The following PCCA variants were observed in gnomAD, a reference collection of about 807,000 sequenced individuals.
PCCA encodes propionyl-CoA carboxylase subunit alpha.
Under a neutral mutation model 101.3 loss-of-function variants are expected in PCCA, and 74 were observed. The ratio of observed to expected loss-of-function variants is 0.73; its 90% CI spans 0.61 to 0.89. The LOEUF is 0.89. Among genes scored for constraint, PCCA ranks in the 40% least tolerant of loss-of-function variants. The pLI is 0.00. For synonymous variants in PCCA, 294 were observed against 313.6 expected, an observed-to-expected ratio of 0.94 and a Z score of 0.66; for missense variants, 891 against 907.0, an observed-to-expected ratio of 0.98 and a Z score of 0.23.
intron 19 of PCCA, among the ~76,000 whole-genome samples, chr13:100,413,259 G>T (rs1003093322): frequency 6.6e-6 from 1 of 152,214 alleles, no homozygotes; most frequent in Non-Finnish European, 1.5e-5. Flanking sequence ...CAGTCACAAT[G>T]TGTGGGAATT....
chr13:100,301,555 T>A lies in PCCA; in HGVS notation c.1161T>A (p.Ala387=). ...GCTACCCTCTCAGGCACAAACAAGCTGATATTCGCATCAACGGCTGGGCAG... is the reference window on the plus strand; with the variant it reads ...GCTACCCTCTCAGGCACAAACAAGCAGATATTCGCATCAACGGCTGGGCAG... ...AKGYPLRHKQ[A]DIRINGWAVE... Residue 387 remains alanine (A), a synonymous_variant, in exon 13 of 24, where the codon GCT becomes GCA. Coordinates refer to ENST00000376285, the MANE Select transcript of PCCA (RefSeq NM_000282.4). The A allele has an allele frequency of 6.2e-7, 1 of 1,614,084 alleles. No homozygotes were observed. The highest frequency in any genetic ancestry group is 8.5e-7 in the Non-Finnish European group (1 of 1,179,962).
At chr13:100,424,007 T>C (rs2078986407) in intron 19 of PCCA, among the ~76,000 whole-genome samples, 1 of 152,268 alleles carries the variant, frequency 6.6e-6, no homozygotes, top group East Asian at 1.9e-4. Context: ...AGTCGGCCCA[T>C]GGGCTCTGCA....
At chr13:100,145,712 A>T (rs1356824134) in intron 4 of PCCA, among the ~76,000 whole-genome samples, 1 of 151,788 alleles carries the variant, frequency 6.6e-6, no homozygotes, top group African/African-American at 2.4e-5. Context: ...AATACAAAAA[A>T]ATAGCTGGGC....
At chr13:100,381,388 CAA>C (rs984112724) in intron 19 of PCCA, among the ~76,000 whole-genome samples, 18 of 61,404 alleles carry the variant, frequency 2.9e-4, no homozygotes, top group African/African-American at 3.4e-4. Flanking sequence ...GACTCCGTCT[CAA>C]AAAAAAAAAA....
intron 6 of PCCA, among the ~76,000 whole-genome samples, chr13:100,171,854 A>T (rs1024792361): frequency 6.6e-6 from 1 of 152,034 alleles, no homozygotes; most frequent in African/African-American, 2.4e-5. Context: ...AACACGGTGA[A>T]ACCCTGTCTC....
In PCCA at chr13:100,093,651, C is replaced by T. The variant is rs74711884; in HGVS notation, c.105+4426C>T. Among the ~76,000 whole-genome samples, 74 of 152,268 alleles carry T rather than the reference C, an allele frequency of 4.9e-4. No individual in the cohort carries two copies. The East Asian group carries it at 0.011, about 23-fold the overall frequency. ...TGATGAGGCCAGGTGTGGTAGCTCA[C>T]GCCTGCAATCTCAACCCTTTGGGAG... On this transcript the variant is annotated intron_variant, in intron 1 of 23. Coordinates refer to ENST00000376285, the MANE Select transcript of PCCA (RefSeq NM_000282.4).
At chr13:100,286,860 T>G (rs945320481) in intron 12 of PCCA, among the ~76,000 whole-genome samples, 1 of 152,118 alleles carries the variant, frequency 6.6e-6, no homozygotes, top group African/African-American at 2.4e-5. Context: ...TTTGTATGTG[T>G]TTTTTCTTCT....
intron 18 of PCCA, among the ~76,000 whole-genome samples, chr13:100,345,767 G>A (rs1207485895): frequency 6.6e-6 from 1 of 152,172 alleles, no homozygotes; most frequent in Non-Finnish European, 1.5e-5. Context: ...CAAAGAACCA[G>A]CTGACTCTCT....
At chr13:100,470,244 G>A (rs770704879) in intron 21 of PCCA, among the ~76,000 whole-genome samples, 4 of 147,214 alleles carry the variant, frequency 2.7e-5, no homozygotes, top group Non-Finnish European at 6.0e-5. Context: ...TGAAGTGGAA[G>A]CGTGTGTTTT....
chr13:100,399,505 G>C (rs1201670210), intron 19 of PCCA, among the ~76,000 whole-genome samples: 2 of 152,194 alleles, frequency 1.3e-5, no homozygotes, highest in African/African-American at 2.4e-5. Context: ...TTCAGGAACA[G>C]AGTTGAGTAT....
intron 2 of PCCA, among the ~76,000 whole-genome samples, chr13:100,111,044 G>A (rs983477018): frequency 6.6e-6 from 1 of 151,188 alleles, no homozygotes; most frequent in African/African-American, 2.4e-5. Context: ...ATGGAGACTC[G>A]CTTTGTCACC....
intron 18 of PCCA, among the ~76,000 whole-genome samples, chr13:100,343,060 G>A (rs1341165027): frequency 6.6e-6 from 1 of 152,158 alleles, no homozygotes; most frequent in Non-Finnish European, 1.5e-5. Context: ...CGGGGGCGTG[G>A]TGGCGGGTGC....
chr13:100,165,709 C>T (rs577452574), intron 6 of PCCA, among the ~76,000 whole-genome samples: 3 of 152,118 alleles, frequency 2.0e-5, no homozygotes, highest in African/African-American at 4.8e-5. Flanking sequence ...ACAATTCACT[C>T]TCCTGTACAC....
chr13:100,241,433 T>C (rs757473921), intron 8 of PCCA, among the ~76,000 whole-genome samples: 5 of 152,098 alleles, frequency 3.3e-5, no homozygotes, highest in Admixed American at 6.6e-5. Flanking sequence ...CTTTTTACGG[T>C]TGGATAATTT....
intron 12 of PCCA, among the ~76,000 whole-genome samples, chr13:100,277,223 G>A (rs1028002220): frequency 6.6e-6 from 1 of 152,132 alleles, no homozygotes; most frequent in East Asian, 1.9e-4. Flanking sequence ...AAAAGTGGGG[G>A]TAGTTTATCA....
At chr13:100,169,989 C>T (rs2055473759) in intron 6 of PCCA, among the ~76,000 whole-genome samples, 1 of 152,120 alleles carries the variant, frequency 6.6e-6, no homozygotes. Flanking sequence ...CATGAGCCAC[C>T]ACACCCAGCC....
chr13:100,166,652 A>G (rs2055067839), intron 6 of PCCA, among the ~76,000 whole-genome samples: 1 of 152,062 alleles, frequency 6.6e-6, no homozygotes, highest in Admixed American at 6.5e-5. Flanking sequence ...GTATGGGTTT[A>G]CCACCATATT....
chr13:100,520,299 C>T (rs984509887), intron 22 of PCCA, among the ~76,000 whole-genome samples: 1 of 152,204 alleles, frequency 6.6e-6, no homozygotes, highest in Non-Finnish European at 1.5e-5. Flanking sequence ...GTAACGACTA[C>T]CCCTGGATTT....
In PCCA at chr13:100,394,939, T is replaced by C. The variant is rs542365540; in HGVS notation, c.1746+26365T>C. Among the ~76,000 whole-genome samples, 5 of 152,326 alleles carry C rather than the reference T, an allele frequency of 3.3e-5. No homozygotes were observed. In the East Asian group the frequency reaches 9.6e-4, roughly 29 times the overall value. ...CAGCTTTTATCTTCTGTGTCCGTGA[T>C]TCTAATTACATTTCAGGGGGTTGTG... On this transcript the variant is annotated intron_variant, in intron 19 of 23. Transcript: ENST00000376285. The surrounding 1 kb of genome is among the most constrained non-coding windows in gnomAD (Gnocchi z 4.3).
Sources: allele counts gnomAD v4.1 joint callset (sites outside exome capture counted in the v4.1 genomes callset), GRCh38; gene constraint gnomAD v4.1.1; non-coding constraint Gnocchi (gnomAD v3.1); transcripts MANE v1.5; gene names NCBI Gene and HGNC (gene_info 2026-07-23, HGNC 2026-07-21).